Variants in FAM110B observed in about 807,000 individuals in gnomAD.
FAM110B encodes family with sequence similarity 110 member B.
FAM110B carries 6 observed loss-of-function variants against 20.4 expected under a neutral mutation model. That is an observed-to-expected ratio of 0.29 (90% CI 0.16 to 0.58). The LOEUF is 0.58. Among genes scored for constraint, FAM110B ranks in the 20% least tolerant of loss-of-function variants. The pLI is 0.90. For missense variants in FAM110B, 434 were observed against 498.2 expected (o/e 0.87, Z 1.23); for synonymous variants, 226 against 214.1 (o/e 1.06, Z -0.49).
intron 3 of FAM110B, among the ~76,000 whole-genome samples, chr8:58,133,736 C>G (rs530810362): frequency 6.6e-6 from 1 of 152,290 alleles, no homozygotes; most frequent in South Asian, 2.1e-4. Context: ...CCACATCCCC[C>G]TGACACCAGT....
At chr8:58,029,431 T>A (rs1804921259) in intron 1 of FAM110B, among the ~76,000 whole-genome samples, 1 of 152,194 alleles carries the variant, frequency 6.6e-6, no homozygotes, top group Non-Finnish European at 1.5e-5. Flanking sequence ...TCTAGCTTTA[T>A]CAGTGGGACA....
Position 58,053,084 on chromosome 8 carries a change from C to G in FAM110B, c.-414+21381C>G, listed in dbSNP as rs916404715. ...ACAGGCGTGAGCCACCGCGCCCGGC[C>G]GAGAGTGATGGACTCTTACTGCTGT... On this transcript the variant is annotated intron_variant, in intron 2 of 3. Transcript: ENST00000519262. 7.5e-4 allele frequency among the ~76,000 whole-genome samples: 114 copies of G among 151,418 alleles called. 1 individual carries two copies. Among genetic ancestry groups the G allele is most frequent in the African/African-American group, 2.7e-3 (112 of 41,060 alleles).
chr8:58,068,113 T>C (rs988057234), intron 2 of FAM110B, among the ~76,000 whole-genome samples: 4 of 152,218 alleles, frequency 2.6e-5, no homozygotes, highest in Admixed American at 6.5e-5. Context: ...AGCTGTTAGA[T>C]GTTTCCTAGA....
Position 58,147,144 on chromosome 8 carries a change from C to A in FAM110B, c.914C>A (p.Ser305Tyr). 6.2e-7 allele frequency: 1 copy of A among 1,614,166 alleles called. No individual in the cohort carries two copies. Among genetic ancestry groups the A allele is most frequent in the South Asian group, 1.1e-5 (1 of 91,082 alleles). Residue 305 changes from serine (S) to tyrosine (Y), a missense_variant, in exon 4 of 4, where the codon TCC (serine) becomes TAC (tyrosine). Ser to Tyr is a moderately radical substitution (Grantham distance 144). Transcript: ENST00000519262. ...NFARANSDII[S>Y]LNFRSASMIS... The stretch of plus-strand genomic sequence containing the variant: ...GCAAGGGCTAATTCTGACATAATAT[C>A]CCTCAACTTCCGCAGCGCAAGCATG...
intron 1 of FAM110B, among the ~76,000 whole-genome samples, chr8:58,001,021 G>T (rs1239755018): frequency 5.3e-5 from 8 of 152,116 alleles, no homozygotes; most frequent in African/African-American, 1.9e-4. Context: ...GCTTCTGTTG[G>T]CTTTGTTCCA....
intron 3 of FAM110B, among the ~76,000 whole-genome samples, chr8:58,127,321 G>C (rs1807532592): frequency 6.6e-6 from 1 of 152,178 alleles, no homozygotes; most frequent in Non-Finnish European, 1.5e-5. Flanking sequence ...TCTTGAAATT[G>C]AGTACACTGA....
intron 3 of FAM110B, among the ~76,000 whole-genome samples, chr8:58,121,689 T>G (rs1807364106): frequency 6.6e-6 from 1 of 152,234 alleles, no homozygotes; most frequent in South Asian, 2.1e-4. Flanking sequence ...GTTAATGACC[T>G]CCTTTTTGTC....
At chr8:58,138,129 C>T in intron 3 of FAM110B, among the ~76,000 whole-genome samples, 1 of 152,240 alleles carries the variant, frequency 6.6e-6, no homozygotes, top group East Asian at 1.9e-4. Context: ...GACAAGGTTT[C>T]TCTCCCTGGC....
chr8:58,082,238 G>A (rs1321309826), intron 3 of FAM110B, among the ~76,000 whole-genome samples: 1 of 152,206 alleles, frequency 6.6e-6, no homozygotes. Flanking sequence ...AACACAGAAT[G>A]GAAAGCTATT....
chr8:58,025,577 T>A (rs780560165), intron 1 of FAM110B, among the ~76,000 whole-genome samples: 12 of 152,120 alleles, frequency 7.9e-5, no homozygotes, highest in Non-Finnish European at 1.8e-4. Flanking sequence ...GAGGGCATGG[T>A]CACAACTGGA....
At chr8:58,058,540 A>G (rs1278750995) in intron 2 of FAM110B, among the ~76,000 whole-genome samples, 1 of 152,188 alleles carries the variant, frequency 6.6e-6, no homozygotes, top group African/African-American at 2.4e-5. Context: ...TAAGGCCTAT[A>G]TATGAATAGG....
chr8:58,096,491 A>T (rs1009834890), intron 3 of FAM110B, among the ~76,000 whole-genome samples: 1 of 152,086 alleles, frequency 6.6e-6, no homozygotes, highest in Non-Finnish European at 1.5e-5. Context: ...TTGACTCTTT[A>T]TCCAATTTGC....
intron 1 of FAM110B, among the ~76,000 whole-genome samples, chr8:58,009,873 A>G (rs908214484): frequency 6.6e-6 from 1 of 151,834 alleles, no homozygotes; most frequent in Non-Finnish European, 1.5e-5. Flanking sequence ...TTTTCTTTTT[A>G]TAGGGTTACT....
intron 3 of FAM110B, among the ~76,000 whole-genome samples, chr8:58,088,003 A>T (rs1028205108): frequency 1.3e-5 from 2 of 152,192 alleles, no homozygotes; most frequent in African/African-American, 2.4e-5. Flanking sequence ...GCTTCCCCAG[A>T]AGTAAAACTC....
At chr8:58,053,175 A>G (rs1325758785) in intron 2 of FAM110B, among the ~76,000 whole-genome samples, 2 of 152,184 alleles carry the variant, frequency 1.3e-5, no homozygotes, top group Non-Finnish European at 2.9e-5. Context: ...CTGGCCTTGC[A>G]GAAGTGAGGT....
chr8:58,137,184 T>C (rs2150639247), intron 3 of FAM110B, among the ~76,000 whole-genome samples: 1 of 152,330 alleles, frequency 6.6e-6, no homozygotes, highest in East Asian at 1.9e-4. Flanking sequence ...AGACAAAAGA[T>C]CATTCATTTA....
At chr8:58,113,640 C>G (rs1807120515) in intron 3 of FAM110B, 3 of 154,778 alleles carry the variant, frequency 1.9e-5, no homozygotes, top group African/African-American at 4.8e-5. Flanking sequence ...ACTACCAGTT[C>G]AGTGATAGCC....
chr8:58,146,506 A>G lies in FAM110B; in HGVS notation c.276A>G (p.Ala92=). The change falls in exon 4 of 4, where the codon GCA becomes GCG. Residue 92 remains alanine, a synonymous_variant. Transcript: ENST00000519262. The part of the protein sequence containing the change: ...KPPVCPAAKR[A]LGSPTLKVFG... ...CGGTGTGCCCGGCTGCCAAGCGCGCACTGGGCAGCCCCACGCTCAAAGTGT... is the reference window on the plus strand; with the variant it reads ...CGGTGTGCCCGGCTGCCAAGCGCGCGCTGGGCAGCCCCACGCTCAAAGTGT... 6 of 1,613,790 alleles carry G rather than the reference A, an allele frequency of 3.7e-6. No homozygotes were observed. The highest frequency in any genetic ancestry group is 5.1e-6 in the Non-Finnish European group (6 of 1,179,886).
At chr8:58,119,514 A>T (rs567605957) in intron 3 of FAM110B, among the ~76,000 whole-genome samples, 64 of 152,362 alleles carry the variant, frequency 4.2e-4, no homozygotes, top group African/African-American at 1.4e-3. Flanking sequence ...TTAGGTTTCA[A>T]CATGGGAATT....
Sources: gnomAD v4.1 joint callset for allele counts (sites outside exome capture counted in the v4.1 genomes callset) on GRCh38, gnomAD v4.1.1 for gene constraint, MANE v1.5 for transcripts, NCBI Gene and HGNC (gene_info 2026-07-23, HGNC 2026-07-21) for gene names.